NRBP1: variants seen among roughly 807,000 people sequenced by gnomAD.
The protein encoded by NRBP1 is nuclear receptor-binding protein.
A neutral mutation model predicts 76.0 loss-of-function variants in NRBP1; 10 were observed. The observed-to-expected ratio is 0.13, with a 90% CI of 0.08 to 0.22. NRBP1 has a LOEUF of 0.22. Among genes scored for constraint, NRBP1 ranks in the 10% least tolerant of loss-of-function variants. The pLI is 1.00. For missense variants in NRBP1, 344 were observed against 646.0 expected, an observed-to-expected ratio of 0.53 and a Z score of 5.07; for synonymous variants, 235 against 240.2, an observed-to-expected ratio of 0.98 and a Z score of 0.20.
intron 1 of NRBP1, 125 bp from the exon 2 acceptor site, chr2:27,433,126 ACCT>A (rs1349983498): frequency 8.2e-6 from 5 of 606,416 alleles, no homozygotes; most frequent in Admixed American, 2.6e-5. Flanking sequence ...TGATCTGCCC[ACCT>A]CAGCCTCCCA....
At chr2:27,431,845 A>G (rs1377256281) in intron 1 of NRBP1, 1 of 152,098 alleles carries the variant, frequency 6.6e-6, no homozygotes, top group African/African-American at 2.4e-5. Flanking sequence ...GCGCCCACAT[A>G]GTTTATATTT....
rs1664314700 is a variant in NRBP1 at position 27,436,526 on chromosome 2, C to G, written c.662-227C>G. 5.8e-6 allele frequency: 3 copies of G among 520,174 alleles called. No homozygotes were observed. The South Asian group carries it at 7.2e-5, about 13-fold the overall frequency. The allele number at this position is 520,174 out of a possible 1,614,324, so 32.2% of individuals were successfully genotyped here. Reference sequence around the variant, plus strand: ...AATTTAGTCTGGTGCTTTTGTTGCTCCTGATTTAGGGACATTAGATGAGAA... The same window carrying G: ...AATTTAGTCTGGTGCTTTTGTTGCTGCTGATTTAGGGACATTAGATGAGAA... On this transcript the variant is annotated intron_variant, in intron 7 of 17. Transcript: ENST00000379852.
rs955712651 is a variant in NRBP1 at position 27,441,867 on chromosome 2, A to G, written c.*55A>G. 20 of 1,069,832 alleles carry G rather than the reference A, an allele frequency of 1.9e-5. No homozygotes were observed. The Admixed American group carries it at 3.7e-4, about 20-fold the overall frequency. 66.3% of individuals were successfully genotyped at this position (1,069,832 alleles called of 1,614,324 possible). A position where few individuals can be genotyped will look rare whatever the true frequency, so the allele number is the denominator to read the frequency against. On this transcript the variant is annotated 3_prime_UTR_variant, in exon 18 of 18. Coordinates refer to ENST00000379852, the MANE Select transcript of NRBP1 (RefSeq NM_013392.4). ...CTGTGGCTGTCCCTGGACGTGCTGCAGCCCTCCTGTCCCTTCCCCCCAGTC... is the reference window on the plus strand; with the variant it reads ...CTGTGGCTGTCCCTGGACGTGCTGCGGCCCTCCTGTCCCTTCCCCCCAGTC...
upstream of NRBP1, chr2:27,428,469 G>A (rs1021965313): frequency 2.5e-6 from 1 of 392,878 alleles, no homozygotes; most frequent in African/African-American, 2.1e-5. Context: ...GAGAGGTCTC[G>A]GCCGGACCGG....
Position 27,442,027 on chromosome 2 carries a change from G to T in NRBP1, c.*215G>T. 1.8e-6 allele frequency: 1 copy of T among 557,410 alleles called. No individual in the cohort carries two copies. Among genetic ancestry groups the T allele is most frequent in the South Asian group, 2.5e-5 (1 of 39,888 alleles). 34.5% of individuals were successfully genotyped at this position (557,410 alleles called of 1,614,324 possible). ...CTTTGTTTACTTGTTTTGCACAGAC[G>T]TGGGCCTGGGCCTTCTCAGCAGCCG... On this transcript the variant is annotated 3_prime_UTR_variant, in exon 18 of 18. Coordinates refer to ENST00000379852, the MANE Select transcript of NRBP1 (RefSeq NM_013392.4).
At position 27,439,995 on chromosome 2, in the gene NRBP1, CTTTTTTTTTTTT is replaced by C. The variant is rs70953859; in HGVS notation, c.1036+122_1036+133del. Reference sequence around the variant, plus strand: ...TTTCCTCTTTATTTCCAAAGGGATTCTTTTTTTTTTTTTTTTTTTTTTTTTTTTTTTTTTTTG... The same window carrying C: ...TTTCCTCTTTATTTCCAAAGGGATTCTTTTTTTTTTTTTTTTTTTTTTTTG... On this transcript the variant is annotated intron_variant, in intron 11 of 17. Transcript: ENST00000379852. The C allele has an allele frequency of 1.1e-3, 501 of 459,584 alleles. 1 individual carries two copies. The highest frequency in any genetic ancestry group is 2.1e-3 in the East Asian group (20 of 9,640). 28.5% of individuals were successfully genotyped at this position (459,584 alleles called of 1,614,324 possible). A position where few individuals can be genotyped will look rare whatever the true frequency, so the allele number is the denominator to read the frequency against.
chr2:27,432,484 G>C (rs575152247), intron 1 of NRBP1, among the ~76,000 whole-genome samples: 2 of 152,272 alleles, frequency 1.3e-5, no homozygotes, highest in Non-Finnish European at 2.9e-5. Context: ...GTAGAGACTG[G>C]GGTCTTTTTA....
In NRBP1 at chr2:27,433,456, T is replaced by C. The variant is rs1194041610; in HGVS notation, c.183T>C (p.Cys61=). 6.2e-7 allele frequency: 1 copy of C among 1,614,196 alleles called. No individual in the cohort carries two copies. Among genetic ancestry groups the C allele is most frequent in the South Asian group, 1.1e-5 (1 of 91,074 alleles). The change falls in exon 2 of 18, where the codon TGT becomes TGC. Residue 61 remains cysteine, a synonymous_variant. Transcript: ENST00000379852. ...CTGAGATTTTGGAAGAGTCGCCCTG[T>C]GGGCGCTGGCAGAAGAGGCGAGAAG... ...DESEILEESP[C]GRWQKRREEV... is the part of the protein sequence containing the mutation.
At position 27,441,866 on chromosome 2, in the gene NRBP1, C is replaced by A; in HGVS notation, c.*54C>A. Reference sequence around the variant, plus strand: ...GCTGTGGCTGTCCCTGGACGTGCTGCAGCCCTCCTGTCCCTTCCCCCCAGT... The same window carrying A: ...GCTGTGGCTGTCCCTGGACGTGCTGAAGCCCTCCTGTCCCTTCCCCCCAGT... On this transcript the variant is annotated 3_prime_UTR_variant, in exon 18 of 18. Coordinates refer to ENST00000379852, the MANE Select transcript of NRBP1 (RefSeq NM_013392.4). The A allele has an allele frequency of 9.2e-7, 1 of 1,090,684 alleles. No homozygotes were observed. Among genetic ancestry groups the A allele is most frequent in the Non-Finnish European group, 1.4e-6 (1 of 720,796 alleles). 67.6% of individuals were successfully genotyped at this position (1,090,684 alleles called of 1,614,324 possible). A position where few individuals can be genotyped will look rare whatever the true frequency, so the allele number is the denominator to read the frequency against.
In NRBP1 at chr2:27,437,209, G is replaced by C. The variant is rs1043545186; in HGVS notation, c.805-53G>C. On this transcript the variant is annotated intron_variant, in intron 9 of 17. Transcript: ENST00000379852. ...GCTGGCTTGGAGGGAGTGATTGTGG[G>C]AGCACTGAAGTTCTTAGGTGTCTAC... The C allele has an allele frequency of 9.5e-6, 15 of 1,573,388 alleles. 1 individual carries two copies. The highest frequency in any genetic ancestry group is 1.3e-5 in the Non-Finnish European group (15 of 1,144,194).
At chr2:27,438,866 G>A (rs1664413439) in intron 10 of NRBP1, among the ~76,000 whole-genome samples, 1 of 152,190 alleles carries the variant, frequency 6.6e-6, no homozygotes, top group Non-Finnish European at 1.5e-5. Flanking sequence ...AGCTGAAGTG[G>A]GAGGATTGCT....
Position 27,441,747 on chromosome 2 carries a change from T to C in NRBP1, c.1543T>C (p.Leu515=). 2 of 1,614,056 alleles carry C rather than the reference T, an allele frequency of 1.2e-6. No individual in the cohort carries two copies. Among genetic ancestry groups the C allele is most frequent in the Non-Finnish European group, 1.7e-6 (2 of 1,179,962 alleles). Residue 515 remains leucine, a synonymous_variant, in exon 18 of 18, where the codon TTG becomes CTG. Coordinates refer to ENST00000379852, the MANE Select transcript of NRBP1 (RefSeq NM_013392.4). ...SRLTSLLEET[L]NKFNFARNST... ...GTTGACTTCTCTGCTAGAAGAGACCTTGAACAAGTTCAATTTTGCCAGGAA... is the reference window on the plus strand; with the variant it reads ...GTTGACTTCTCTGCTAGAAGAGACCCTGAACAAGTTCAATTTTGCCAGGAA...
Position 27,442,118 on chromosome 2 carries a change from AC to A in NRBP1, c.*307del. The A allele has an allele frequency of 3.8e-6, 2 of 528,510 alleles. No individual in the cohort carries two copies. The highest frequency in any genetic ancestry group is 5.5e-5 in the South Asian group (2 of 36,266). The allele number at this position is 528,510 out of a possible 1,614,324, so 32.7% of individuals were successfully genotyped here. A position where few individuals can be genotyped will look rare whatever the true frequency, so the allele number is the denominator to read the frequency against. ...CCCAGCCTGTGTGGAAAGGAGGCCCACGGGCACTAGGGGAGCCGAATTCTAC... is the reference window on the plus strand; with the variant it reads ...CCCAGCCTGTGTGGAAAGGAGGCCCAGGGCACTAGGGGAGCCGAATTCTAC... On this transcript the variant is annotated 3_prime_UTR_variant, in exon 18 of 18. Transcript: ENST00000379852.
At chr2:27,434,832 C>A in intron 6 of NRBP1, 70 bp downstream of exon 6, 1 of 1,452,842 alleles carries the variant, frequency 6.9e-7, no homozygotes, top group Non-Finnish European at 9.7e-7. Flanking sequence ...TTTCAGGGCA[C>A]TACTCTTCTG....
intron 4 of NRBP1, 121 bp from the exon 5 acceptor site, chr2:27,434,350 G>A (rs1038947926): frequency 1.2e-6 from 1 of 810,522 alleles, no homozygotes; most frequent in Non-Finnish European, 2.0e-6. Context: ...TTTAGTCTAA[G>A]TAAGTAAAGC....
Position 27,433,422 on chromosome 2 carries a change from A to C in NRBP1, c.149A>C (p.Glu50Ala). Residue 50 changes from glutamate to alanine, a missense_variant, in exon 2 of 18, where the codon GAA (glutamate) becomes GCA (alanine). Around this residue, in one of 3 missense-constraint regions of NRBP1, gnomAD observed 73 missense variants for 287.8 expected, o/e 0.25. Transcript: ENST00000379852. ...AASPEEEEES[E>A]DESEILEESP... Reference sequence around the variant, plus strand: ...TCCCCAGAGGAAGAAGAAGAAAGTGAAGATGAGTCTGAGATTTTGGAAGAG... The same window carrying C: ...TCCCCAGAGGAAGAAGAAGAAAGTGCAGATGAGTCTGAGATTTTGGAAGAG... 6.2e-7 allele frequency: 1 copy of C among 1,614,292 alleles called. No homozygotes were observed.
chr2:27,436,127 G>C, intron 7 of NRBP1: 1 of 344,316 alleles, frequency 2.9e-6, no homozygotes, highest in Admixed American at 4.1e-5. Flanking sequence ...GGAATAAGGG[G>C]GTAGAACAGG....
In NRBP1 at chr2:27,439,835, C is replaced by T; in HGVS notation, c.973C>T (p.Pro325Ser). 1 of 1,614,116 alleles carries T rather than the reference C, an allele frequency of 6.2e-7. No individual in the cohort carries two copies. The highest frequency in any genetic ancestry group is 2.2e-5 in the East Asian group (1 of 44,884). Residue 325 changes from proline to serine, a missense_variant, in exon 11 of 18, where the codon CCA (proline) becomes TCA (serine). Around this residue, in one of 3 missense-constraint regions of NRBP1, gnomAD observed 218 missense variants for 309.8 expected, o/e 0.70. Coordinates refer to ENST00000379852, the MANE Select transcript of NRBP1 (RefSeq NM_013392.4). The part of the protein sequence containing the change: ...RPTARELLFH[P>S]ALFEVPSLKL... ...AACAGCCAGAGAACTTCTGTTCCAC[C>T]CAGCATTGTTTGAAGTGCCCTCGCT...
intron 6 of NRBP1, 119 bp downstream of exon 6, chr2:27,434,881 C>G: frequency 9.1e-7 from 1 of 1,098,614 alleles, no homozygotes; most frequent in South Asian, 1.3e-5. Context: ...GAATCATATA[C>G]TGTCAAGATT....
Sources: gnomAD v4.1 joint callset for allele counts (sites outside exome capture counted in the v4.1 genomes callset) on GRCh38, gnomAD v4.1.1 for gene constraint, gnomAD v4.1.1 regional missense constraint, MANE v1.5 for transcripts, NCBI Gene and HGNC (gene_info 2026-07-23, HGNC 2026-07-21) for gene names.